The following FYB2 variants were observed in gnomAD, a reference collection of about 807,000 sequenced individuals.
FYB2 encodes FYN binding protein 2.
In FYB2, 103 loss-of-function variants were observed where a neutral mutation model predicts 94.1. That is an observed-to-expected ratio of 1.09 (90% CI 0.93 to 1.29). The LOEUF (loss-of-function observed/expected upper bound fraction) is 1.29. FYB2 is among the 50% of genes most tolerant of loss of function. The probability of loss-of-function intolerance (pLI) is 0.00; values close to 1 mark genes in which losing one functional copy is unlikely to be tolerated. For synonymous variants in FYB2, 293 were observed against 287.9 expected, an observed-to-expected ratio of 1.02 and a Z score of -0.18; for missense variants, 896 against 841.5, an observed-to-expected ratio of 1.06 and a Z score of -0.80.
chr1:56,762,435 G>A (rs1645518973), intron 5 of FYB2, among the ~76,000 whole-genome samples: 2 of 151,936 alleles, frequency 1.3e-5, no homozygotes, highest in Non-Finnish European at 2.9e-5. Flanking sequence ...AAGCTTTTAG[G>A]CCTTATCATG....
intron 5 of FYB2, among the ~76,000 whole-genome samples, chr1:56,763,350 C>G (rs1331747281): frequency 1.3e-5 from 2 of 152,058 alleles, no homozygotes; most frequent in African/African-American, 4.8e-5. Flanking sequence ...TCTTTAAATG[C>G]CTGATAGAAT....
intron 4 of FYB2, among the ~76,000 whole-genome samples, chr1:56,780,141 C>T (rs564607385): frequency 4.8e-4 from 73 of 152,264 alleles, no homozygotes; most frequent in African/African-American, 1.6e-3. Context: ...TCTATTCAAC[C>T]TTACTAAATA....
chr1:56,738,082 A>T (rs1014709990), intron 14 of FYB2, among the ~76,000 whole-genome samples: 24 of 152,120 alleles, frequency 1.6e-4, no homozygotes, highest in Admixed American at 1.3e-4. Context: ...AATTCAATGT[A>T]CTGAACGTGT....
intron 19 of FYB2, 43 bp downstream of exon 19, chr1:56,719,979 T>C: frequency 6.6e-7 from 1 of 1,524,382 alleles, no homozygotes; most frequent in Non-Finnish European, 8.9e-7. Context: ...TACAACAATG[T>C]ATTAGGAACT....
Position 56,719,598 on chromosome 1 carries a change from T to G in FYB2, c.*73A>C. The G allele has an allele frequency of 7.5e-7, 1 of 1,328,790 alleles. No homozygotes were observed. Among genetic ancestry groups the G allele is most frequent in the East Asian group, 2.4e-5 (1 of 41,608 alleles). The allele number at this position is 1,328,790 out of a possible 1,614,324, so 82.3% of individuals were successfully genotyped here. A position where few individuals can be genotyped will look rare whatever the true frequency, so the allele number is the denominator to read the frequency against. The stretch of plus-strand genomic sequence containing the variant: ...AAAATTTTGACATGTAAACTGAAAC[T>G]GATGTAACGCAGGACTAGGATCTTA... On this transcript the variant is annotated 3_prime_UTR_variant, in exon 20 of 20. Transcript: ENST00000343433.
At chr1:56,812,241 G>A (rs1201256777) in intron 1 of FYB2, among the ~76,000 whole-genome samples, 1 of 152,162 alleles carries the variant, frequency 6.6e-6, no homozygotes, top group East Asian at 1.9e-4. Context: ...TTTGCTCAAG[G>A]TCATATTTCA....
intron 1 of FYB2, among the ~76,000 whole-genome samples, chr1:56,805,365 G>A (rs767419414): frequency 2.0e-5 from 3 of 152,120 alleles, no homozygotes; most frequent in South Asian, 4.2e-4. Flanking sequence ...GGAAAAATTG[G>A]GAGTAATTCT....
chr1:56,733,073 A>G (rs1644746594), intron 15 of FYB2, among the ~76,000 whole-genome samples: 1 of 152,154 alleles, frequency 6.6e-6, no homozygotes, highest in East Asian at 1.9e-4. Flanking sequence ...AAATATTCAC[A>G]AACTATTAAT....
intron 8 of FYB2, among the ~76,000 whole-genome samples, chr1:56,752,641 AC>A (rs1325977965): frequency 2.6e-5 from 4 of 152,026 alleles, no homozygotes; most frequent in Non-Finnish European, 4.4e-5. Context: ...AAATATAGTG[AC>A]CACCATCCTT....
intron 15 of FYB2, among the ~76,000 whole-genome samples, chr1:56,733,945 T>G (rs1322238314): frequency 1.3e-5 from 2 of 152,166 alleles, no homozygotes; most frequent in Non-Finnish European, 2.9e-5. Context: ...GGTGCAGAGC[T>G]GAGTTCAAGT....
At chr1:56,782,501 A>T (rs1420544282) in intron 4 of FYB2, among the ~76,000 whole-genome samples, 3 of 152,038 alleles carry the variant, frequency 2.0e-5, no homozygotes, top group African/African-American at 7.2e-5. Context: ...CAGTCACATG[A>T]TCTGCCCAGC....
chr1:56,795,390 G>A (rs1400152924), intron 1 of FYB2, among the ~76,000 whole-genome samples: 1 of 152,140 alleles, frequency 6.6e-6, no homozygotes, highest in Non-Finnish European at 1.5e-5. Flanking sequence ...TCAATGGAGA[G>A]TCAGATTGCT....
At chr1:56,756,858 G>T (rs1479333611) in intron 6 of FYB2, among the ~76,000 whole-genome samples, 2 of 152,098 alleles carry the variant, frequency 1.3e-5, no homozygotes, top group Non-Finnish European at 2.9e-5. Flanking sequence ...AAAACTCATT[G>T]CTAGACACAA....
At chr1:56,737,624 A>G (rs1644858687) in intron 14 of FYB2, 1 of 152,530 alleles carries the variant, frequency 6.6e-6, no homozygotes, top group African/African-American at 2.4e-5. Context: ...CTATACAATA[A>G]TCTTGCATAA....
chr1:56,780,847 A>G lies in FYB2; in HGVS notation c.953+6328T>C, dbSNP rs1645992203. The stretch of plus-strand genomic sequence containing the variant: ...CCCTGAAGTCCAATTAAAAAGGGAT[A>G]ATAAGAAATTATTGAAGTGGCTTAA... On this transcript the variant is annotated intron_variant, in intron 4 of 19. Transcript: ENST00000343433. Among the ~76,000 whole-genome samples, 5 of 152,326 alleles carry G rather than the reference A, an allele frequency of 3.3e-5. No homozygotes were observed. In the South Asian group the frequency reaches 1.0e-3, roughly 32 times the overall value.
At chr1:56,787,145 T>C (rs757906632) in intron 4 of FYB2, 30 bp downstream of exon 4, 2 of 1,613,278 alleles carry the variant, frequency 1.2e-6, no homozygotes, top group South Asian at 2.2e-5. Flanking sequence ...GTGGGCTACG[T>C]TCCTACACAA....
chr1:56,783,062 T>C (rs1203435758), intron 4 of FYB2, among the ~76,000 whole-genome samples: 1 of 152,030 alleles, frequency 6.6e-6, no homozygotes, highest in African/African-American at 2.4e-5. Context: ...AAGAATAATC[T>C]CCAAAGAGCC....
At chr1:56,738,041 C>G (rs79246551) in intron 14 of FYB2, among the ~76,000 whole-genome samples, 1 of 152,004 alleles carries the variant, frequency 6.6e-6, no homozygotes, top group Non-Finnish European at 1.5e-5. Flanking sequence ...AACTAACAAA[C>G]AACAGAACAC....
rs1569857754 is a variant in FYB2, at chr1:56,726,698, T to C, written c.1794-115A>G. ...AAAAAATTAAAAAGTCATCTAGAAA[T>C]ATATTTTGATAATCCATGGAAAGGC... is the stretch of plus-strand genomic sequence containing the variant. On this transcript the variant is annotated intron_variant, in intron 15 of 19. Coordinates refer to ENST00000343433, the MANE Select transcript of FYB2 (RefSeq NM_001004303.5). 8 of 813,992 alleles carry C rather than the reference T, an allele frequency of 9.8e-6. No individual in the cohort carries two copies. The East Asian group carries it at 2.2e-4, about 22-fold the overall frequency. 50.4% of individuals were successfully genotyped at this position (813,992 alleles called of 1,614,324 possible).
Sources: allele counts gnomAD v4.1 joint callset (sites outside exome capture counted in the v4.1 genomes callset), GRCh38; gene constraint gnomAD v4.1.1; transcripts MANE v1.5; gene names NCBI Gene and HGNC (gene_info 2026-07-23, HGNC 2026-07-21).